Variants in ADGRL3 observed in about 807,000 individuals in gnomAD.
The protein encoded by ADGRL3 is calcium-independent alpha-latrotoxin receptor 3.
Under a neutral mutation model 153.5 loss-of-function variants are expected in ADGRL3, and 62 were observed. The observed-to-expected ratio is 0.40, with a 90% confidence interval of 0.33 to 0.50. The LOEUF is 0.50. ADGRL3 is among the 20% of genes least tolerant of loss of function. The pLI is 0.47. For synonymous variants in ADGRL3, 710 were observed against 672.5 expected (o/e 1.06, Z -0.86); for missense variants, 1,641 against 1,859.4 (o/e 0.88, Z 2.16).
intron 1 of ADGRL3, among the ~76,000 whole-genome samples, chr4:61,238,218 A>G (rs539180787): frequency 1.3e-5 from 2 of 152,272 alleles, no homozygotes; most frequent in Non-Finnish European, 2.9e-5. Flanking sequence ...TCCTCCTTAC[A>G]TTGCCTCTTT....
At chr4:61,970,983 A>G (rs1440658903) in intron 17 of ADGRL3, among the ~76,000 whole-genome samples, 2 of 152,070 alleles carry the variant, frequency 1.3e-5, no homozygotes, top group Non-Finnish European at 2.9e-5. Flanking sequence ...TGCTGGCTTC[A>G]GTTTAATTTA....
intron 4 of ADGRL3, among the ~76,000 whole-genome samples, chr4:61,532,718 G>A (rs148986611): frequency 4.0e-5 from 6 of 150,956 alleles, no homozygotes; most frequent in Non-Finnish European, 7.4e-5. Context: ...GAGTAAAACC[G>A]ATAGTAACAC....
At position 61,434,324 on chromosome 4, in the gene ADGRL3, G is replaced by A. The variant is rs139838073; in HGVS notation, c.-174+51135G>A. 3.7e-3 allele frequency among the ~76,000 whole-genome samples: 564 copies of A among 152,086 alleles called. 4 individuals are homozygous for A. Among genetic ancestry groups the A allele is most frequent in the African/African-American group, 0.013 (530 of 41,498 alleles). ...ATTAATTGACACAGATATTATTGAGGTAAGTTTAAATGACCCTTTTGATGA... is the reference window on the plus strand; with the variant it reads ...ATTAATTGACACAGATATTATTGAGATAAGTTTAAATGACCCTTTTGATGA... On this transcript the variant is annotated intron_variant, in intron 2 of 26. Coordinates refer to ENST00000683033, the MANE Select transcript of ADGRL3 (RefSeq NM_001387552.1).
In ADGRL3 at chr4:61,313,037, G is replaced by A. The variant is rs1262397252; in HGVS notation, c.-239-70087G>A. On this transcript the variant is annotated intron_variant, in intron 1 of 26. Coordinates refer to ENST00000683033, the MANE Select transcript of ADGRL3 (RefSeq NM_001387552.1). ...TATCCATACAATGGTGTGTTATTCA[G>A]AGATAAAAATAAATAAGCTATGAAA... Among the ~76,000 whole-genome samples the A allele has an allele frequency of 3.3e-5, 5 of 152,118 alleles. 1 individual carries two copies. Among genetic ancestry groups the A allele is most frequent in the Non-Finnish European group, 7.3e-5 (5 of 68,032 alleles).
intron 1 of ADGRL3, among the ~76,000 whole-genome samples, chr4:61,237,422 T>G (rs1388216187): frequency 6.6e-5 from 10 of 152,168 alleles, no homozygotes; most frequent in Admixed American, 6.6e-4. Context: ...CTGTTAGTCC[T>G]TATTCTTTGA....
intron 2 of ADGRL3, among the ~76,000 whole-genome samples, chr4:61,457,851 CAGATAGAT>C (rs149992520): frequency 0.014 from 2,039 of 146,122 alleles, 36 homozygotes; most frequent in African/African-American, 0.034. Context: ...TCACAGATGA[CAGATAGAT>C]AGATAGATAG....
chr4:61,207,281 G>A (rs1026494737), intron 1 of ADGRL3, among the ~76,000 whole-genome samples: 1 of 152,048 alleles, frequency 6.6e-6, no homozygotes, highest in Non-Finnish European at 1.5e-5. Flanking sequence ...TCCAACTTAT[G>A]AGTGAGAACA....
intron 4 of ADGRL3, among the ~76,000 whole-genome samples, chr4:61,561,046 G>A (rs1182615935): frequency 6.6e-6 from 1 of 152,074 alleles, no homozygotes; most frequent in Non-Finnish European, 1.5e-5. Flanking sequence ...GCCTAAGGAG[G>A]ATGAATGTGC....
intron 5 of ADGRL3, among the ~76,000 whole-genome samples, chr4:61,644,798 T>C (rs6857007): frequency 6.6e-6 from 1 of 151,854 alleles, no homozygotes; most frequent in East Asian, 1.9e-4. Context: ...ATGTCTATTA[T>C]GTCCGCTTGG....
intron 1 of ADGRL3, among the ~76,000 whole-genome samples, chr4:61,300,926 G>T (rs1458315614): frequency 6.6e-6 from 1 of 151,808 alleles, no homozygotes; most frequent in African/African-American, 2.4e-5. Context: ...CACCACGCCC[G>T]GCTAATTTTT....
At chr4:61,880,092 G>A (rs1238845471) in intron 9 of ADGRL3, among the ~76,000 whole-genome samples, 2 of 152,120 alleles carry the variant, frequency 1.3e-5, no homozygotes, top group Non-Finnish European at 2.9e-5. Flanking sequence ...AAATAAAGTG[G>A]TGCATAAGTG....
intron 5 of ADGRL3, among the ~76,000 whole-genome samples, chr4:61,644,394 T>A (rs923433085): frequency 1.3e-4 from 20 of 152,248 alleles, no homozygotes; most frequent in Non-Finnish European, 4.4e-5. Flanking sequence ...GGTGTCAATT[T>A]TAGATCTTTC....
intron 1 of ADGRL3, among the ~76,000 whole-genome samples, chr4:61,370,719 G>A (rs59856558): frequency 0.053 from 7,986 of 151,330 alleles, 665 homozygotes; most frequent in African/African-American, 0.18. Flanking sequence ...GATTTGGGGT[G>A]GAGAGTTCTG....
chr4:61,439,038 T>C (rs1200736062), intron 2 of ADGRL3, among the ~76,000 whole-genome samples: 1 of 151,972 alleles, frequency 6.6e-6, no homozygotes, highest in Non-Finnish European at 1.5e-5. Flanking sequence ...GGGTGGTAAG[T>C]TGAAGGAAAC....
At chr4:61,409,419 A>ATG in intron 2 of ADGRL3, among the ~76,000 whole-genome samples, 1 of 143,216 alleles carries the variant, frequency 7.0e-6, no homozygotes. Context: ...ATATATATAT[A>ATG]TTATATATAT....
rs2097370724 is a variant in ADGRL3 at position 61,432,573 on chromosome 4, CCTTTCTTTCTTTCTTTCTT to C, written c.-174+49385_-174+49403del. ...TTTATAGATTTCTTTTCTTTCTCTTCCTTTCTTTCTTTCTTTCTTTCTTTCTTTCTTTCTTTCTTTCTTT... is the reference window on the plus strand; with the variant it reads ...TTTATAGATTTCTTTTCTTTCTCTTCTCTTTCTTTCTTTCTTTCTTTCTTT... On this transcript the variant is annotated intron_variant, in intron 2 of 26. Transcript: ENST00000683033. 5.6e-5 allele frequency among the ~76,000 whole-genome samples: 2 copies of C among 35,864 alleles called. 1 individual carries two copies. The highest frequency in any genetic ancestry group is 1.3e-4 in the Non-Finnish European group (2 of 15,832). The allele number at this position is 35,864 out of a possible 152,430, so 23.5% of individuals were successfully genotyped here.
At chr4:61,754,988 A>T (rs1341442219) in intron 8 of ADGRL3, among the ~76,000 whole-genome samples, 2 of 152,128 alleles carry the variant, frequency 1.3e-5, no homozygotes, top group Non-Finnish European at 2.9e-5. Context: ...CATGGTGTAT[A>T]TGTGCCACAT....
intron 17 of ADGRL3, among the ~76,000 whole-genome samples, chr4:61,958,435 A>G (rs1411120890): frequency 7.2e-6 from 1 of 139,708 alleles, no homozygotes; most frequent in Non-Finnish European, 1.6e-5. Flanking sequence ...ATTAGAAACC[A>G]CAACACTAAC....
At chr4:61,803,154 G>A (rs1297880412) in intron 8 of ADGRL3, among the ~76,000 whole-genome samples, 1 of 150,926 alleles carries the variant, frequency 6.6e-6, no homozygotes, top group Admixed American at 6.6e-5. Context: ...TTTTTTTTTT[G>A]TTTAAGCATA....
Sources: gnomAD v4.1 joint callset for allele counts (sites outside exome capture counted in the v4.1 genomes callset) on GRCh38, gnomAD v4.1.1 for gene constraint, MANE v1.5 for transcripts, NCBI Gene and HGNC (gene_info 2026-07-23, HGNC 2026-07-21) for gene names.